The following CNTN5 variants were observed in gnomAD, a reference collection of about 807,000 sequenced individuals.
The protein encoded by CNTN5 is contactin 5, also known as contactin-5.
In CNTN5, 77 loss-of-function variants were observed where a neutral mutation model predicts 129.1. The observed-to-expected ratio is 0.60, with a 90% CI of 0.50 to 0.72. The LOEUF (loss-of-function observed/expected upper bound fraction) is 0.72. CNTN5 is among the 30% of genes least tolerant of loss of function. CNTN5 has a pLI of 0.00. For synonymous variants in CNTN5, 509 were observed against 465.6 expected (o/e 1.09, Z -1.20); for missense variants, 1,478 against 1,328.8 (o/e 1.11, Z -1.75).
chr11:99,818,308 T>A (rs187862500), intron 3 of CNTN5, among the ~76,000 whole-genome samples: 2 of 151,334 alleles, frequency 1.3e-5, no homozygotes, highest in African/African-American at 4.9e-5. Context: ...CAGTCTGGAG[T>A]ACAGTGGCAT....
chr11:99,129,817 T>G (rs1321234252), intron 1 of CNTN5, among the ~76,000 whole-genome samples: 1 of 152,176 alleles, frequency 6.6e-6, no homozygotes, highest in Non-Finnish European at 1.5e-5. Flanking sequence ...TTCAATATCC[T>G]TGAAGAAAAT....
chr11:99,840,454 A>T (rs929265069), intron 4 of CNTN5, among the ~76,000 whole-genome samples: 3 of 152,138 alleles, frequency 2.0e-5, no homozygotes, highest in African/African-American at 7.2e-5. Context: ...TATACTTGAG[A>T]AGTCCATCAT....
chr11:99,717,223 GTTGATTTGAACT>G (rs1173733672), intron 3 of CNTN5, among the ~76,000 whole-genome samples: 1 of 151,972 alleles, frequency 6.6e-6, no homozygotes, highest in Non-Finnish European at 1.5e-5. Context: ...TGCTATATCT[GTTGATTTGAACT>G]TTCAAGAGAA....
rs578159582 is a variant in CNTN5, at chr11:99,933,962, A to T, written c.673+17813A>T. Among the ~76,000 whole-genome samples, 3 of 152,356 alleles carry T rather than the reference A, an allele frequency of 2.0e-5. No individual in the cohort carries two copies. In the East Asian group the frequency reaches 5.8e-4, roughly 29 times the overall value. ...CTTACTTCATTTTCTCCATGAAAGT[A>T]ACTTGCTTTCAGCATTTATATCTGT... On this transcript the variant is annotated intron_variant, in intron 7 of 24. Coordinates refer to ENST00000524871, the MANE Select transcript of CNTN5 (RefSeq NM_014361.4).
intron 3 of CNTN5, among the ~76,000 whole-genome samples, chr11:99,765,503 A>G (rs1018550794): frequency 6.6e-6 from 1 of 151,950 alleles, no homozygotes; most frequent in African/African-American, 2.4e-5. Context: ...TTGATTTGAT[A>G]TAGAAGATTA....
chr11:100,251,277 C>A (rs2138711949), intron 16 of CNTN5, among the ~76,000 whole-genome samples: 1 of 152,182 alleles, frequency 6.6e-6, no homozygotes, highest in Non-Finnish European at 1.5e-5. Flanking sequence ...CATCTGAAAG[C>A]TTCTTTTGTT....
chr11:100,034,681 T>A (rs1268412321), intron 9 of CNTN5, among the ~76,000 whole-genome samples: 1 of 152,234 alleles, frequency 6.6e-6, no homozygotes, highest in African/African-American at 2.4e-5. Flanking sequence ...GTGGTTGCTT[T>A]CACTCTACAA....
At chr11:99,173,117 G>T (rs1857611705) in intron 1 of CNTN5, among the ~76,000 whole-genome samples, 1 of 152,118 alleles carries the variant, frequency 6.6e-6, no homozygotes, top group Non-Finnish European at 1.5e-5. Context: ...ATGGGAAAGA[G>T]CCATCCCTAT....
intron 2 of CNTN5, among the ~76,000 whole-genome samples, chr11:99,485,987 A>T (rs1024471431): frequency 2.6e-5 from 4 of 152,076 alleles, no homozygotes; most frequent in African/African-American, 4.8e-5. Context: ...GCTTACAATT[A>T]ATATGAATCT....
At chr11:99,727,888 A>G (rs1943405363) in intron 3 of CNTN5, among the ~76,000 whole-genome samples, 2 of 145,358 alleles carry the variant, frequency 1.4e-5, no homozygotes. Flanking sequence ...CTGCACAATT[A>G]TCCATCACTG....
At chr11:99,306,229 A>G (rs2135957095) in intron 1 of CNTN5, among the ~76,000 whole-genome samples, 1 of 152,290 alleles carries the variant, frequency 6.6e-6, no homozygotes, top group Admixed American at 6.5e-5. Context: ...AGTGTCAGAC[A>G]ATTGGTTTAA....
At chr11:99,053,344 G>A (rs1012715835) in intron 1 of CNTN5, among the ~76,000 whole-genome samples, 1 of 151,880 alleles carries the variant, frequency 6.6e-6, no homozygotes, top group Non-Finnish European at 1.5e-5. Flanking sequence ...CAACTAAACA[G>A]TCATGCCAAA....
chr11:99,350,484 T>A (rs1352402805), intron 2 of CNTN5, among the ~76,000 whole-genome samples: 3 of 152,148 alleles, frequency 2.0e-5, no homozygotes, highest in Admixed American at 6.6e-5. Flanking sequence ...ATAAAACATA[T>A]GTTCACAAAA....
intron 2 of CNTN5, among the ~76,000 whole-genome samples, chr11:99,531,742 C>T (rs1012655133): frequency 2.0e-5 from 3 of 152,208 alleles, no homozygotes; most frequent in South Asian, 2.1e-4. Context: ...CTTAAGCCTT[C>T]GCAGTTTCCA....
At chr11:99,270,630 A>G (rs1397652671) in intron 1 of CNTN5, among the ~76,000 whole-genome samples, 1 of 151,956 alleles carries the variant, frequency 6.6e-6, no homozygotes, top group Non-Finnish European at 1.5e-5. Context: ...GGAGCACAAA[A>G]TGTTTTTCTA....
chr11:99,613,311 G>C (rs1258197288), intron 3 of CNTN5, among the ~76,000 whole-genome samples: 1 of 152,142 alleles, frequency 6.6e-6, no homozygotes, highest in African/African-American at 2.4e-5. Context: ...TTTATAAGGG[G>C]CTCTTCCCGG....
At chr11:100,005,786 A>G (rs1022281234) in intron 9 of CNTN5, among the ~76,000 whole-genome samples, 7 of 152,196 alleles carry the variant, frequency 4.6e-5, no homozygotes, top group Non-Finnish European at 2.9e-5. Flanking sequence ...TATATATCAC[A>G]AAGTGTAATA....
intron 17 of CNTN5, among the ~76,000 whole-genome samples, chr11:100,256,621 G>C (rs1210296150): frequency 6.6e-6 from 1 of 152,116 alleles, no homozygotes; most frequent in Admixed American, 6.5e-5. Flanking sequence ...CATTGGGACT[G>C]GTTAGACAGT....
intron 17 of CNTN5, among the ~76,000 whole-genome samples, chr11:100,265,217 G>A (rs1337461616): frequency 6.6e-6 from 1 of 152,046 alleles, no homozygotes; most frequent in African/African-American, 2.4e-5. Flanking sequence ...ACCCTTCATG[G>A]TGCTAGGGCT....
Sources: gnomAD v4.1 joint callset for allele counts (sites outside exome capture counted in the v4.1 genomes callset) on GRCh38, gnomAD v4.1.1 for gene constraint, MANE v1.5 for transcripts, NCBI Gene and HGNC (gene_info 2026-07-23, HGNC 2026-07-21) for gene names.